The following PC variants were observed in gnomAD, a reference collection of about 807,000 sequenced individuals.
The protein encoded by PC is pyruvate carboxylase, mitochondrial.
PC carries 46 observed loss-of-function variants against 107.8 expected under a neutral mutation model. The observed-to-expected ratio is 0.43, with a 90% CI of 0.34 to 0.55. PC has a LOEUF of 0.55. Among genes scored for constraint, PC ranks in the 20% least tolerant of loss-of-function variants. PC has a pLI of 0.04. For synonymous variants in PC, 662 were observed against 684.7 expected (o/e 0.97, Z 0.52); for missense variants, 1,241 against 1,643.1 (o/e 0.76, Z 4.23).
rs776196411 is a variant in PC, at chr11:66,849,100, G to A, written c.3336C>T (p.Ile1112=). 134 of 1,614,014 alleles carry A rather than the reference G, an allele frequency of 8.3e-5. No individual in the cohort carries two copies. Among genetic ancestry groups the A allele is most frequent in the Non-Finnish European group, 1.1e-4 (126 of 1,180,044 alleles). ...TCACCTTCCCAGGCATGGGCGCCCC[G>A]ATCTGGCCCTTCACGTCCTTTAGGG... ...PKALKDVKGQ[I]GAPMPGKVID... Residue 1112 remains isoleucine, a synonymous_variant, in exon 23 of 23, where the codon ATC becomes ATT. Coordinates refer to ENST00000393960, the MANE Select transcript of PC (RefSeq NM_001040716.2).
chr11:66,918,782 G>A (rs916541102), intron 3 of PC, among the ~76,000 whole-genome samples: 6 of 152,062 alleles, frequency 3.9e-5, no homozygotes, highest in Non-Finnish European at 5.9e-5. Flanking sequence ...CCTAAGCCAC[G>A]CCAAACACGT....
intron 3 of PC, among the ~76,000 whole-genome samples, chr11:66,925,005 C>G (rs1358454880): frequency 6.6e-6 from 1 of 152,074 alleles, no homozygotes; most frequent in Non-Finnish European, 1.5e-5. Flanking sequence ...AGCCATAAAA[C>G]CAGCAAGTTT....
chr11:66,880,892 G>A (rs1056985873), intron 3 of PC, among the ~76,000 whole-genome samples: 2 of 152,218 alleles, frequency 1.3e-5, no homozygotes, highest in African/African-American at 4.8e-5. Context: ...AAGCTTCCCT[G>A]GAAATGCAGA....
intron 3 of PC, among the ~76,000 whole-genome samples, chr11:66,914,162 A>G (rs1565283711): frequency 1.3e-5 from 2 of 152,208 alleles, no homozygotes; most frequent in South Asian, 4.1e-4. Context: ...GATTTTTACA[A>G]TGTATTCCTG....
intron 13 of PC, 195 bp from the exon 14 acceptor site, chr11:66,853,031 G>A: frequency 2.9e-6 from 2 of 696,952 alleles, no homozygotes; most frequent in South Asian, 1.9e-5. Flanking sequence ...CACGTGGATG[G>A]AAAGGTGGGG....
At chr11:66,908,539 C>T (rs1438372241) in intron 3 of PC, among the ~76,000 whole-genome samples, 4 of 152,188 alleles carry the variant, frequency 2.6e-5, no homozygotes, top group African/African-American at 9.7e-5. Flanking sequence ...AACAGAGTTC[C>T]CACCTACTGG....
In PC at chr11:66,871,044, T is replaced by C. The variant is rs895103019; in HGVS notation, c.633+8A>G. On this transcript the variant is annotated splice_region_variant and intron_variant, in intron 7 of 22. Transcript: ENST00000393960. This position sits in a 1 kb window ranked among gnomAD's most constrained non-coding sequence, Gnocchi z 7.4. ...GCCCTGCTCCCAGCCCTGGGCATCTTCACTCACCTCGTAGCTGTGCACCAC... is the reference window on the plus strand; with the variant it reads ...GCCCTGCTCCCAGCCCTGGGCATCTCCACTCACCTCGTAGCTGTGCACCAC... The C allele has an allele frequency of 6.2e-7, 1 of 1,613,900 alleles. No homozygotes were observed. Among genetic ancestry groups the C allele is most frequent in the African/African-American group, 1.3e-5 (1 of 75,024 alleles).
intron 3 of PC, among the ~76,000 whole-genome samples, chr11:66,928,971 A>G (rs1380285115): frequency 6.6e-6 from 1 of 152,176 alleles, no homozygotes; most frequent in Non-Finnish European, 1.5e-5. Flanking sequence ...CATTTTTTAA[A>G]AGGGCCTGTG....
rs565871826 is a variant in PC at position 66,925,637 on chromosome 11, C to T, written c.-1+26793G>A. Reference sequence around the variant, plus strand: ...GCAGTTAACACAATCATCACAGGGTCCTGAGGCGACATACATCCTCCTCAG... The same window carrying T: ...GCAGTTAACACAATCATCACAGGGTTCTGAGGCGACATACATCCTCCTCAG... On this transcript the variant is annotated intron_variant, in intron 3 of 22. Coordinates refer to ENST00000393960, the MANE Select transcript of PC (RefSeq NM_001040716.2). 2.0e-3 allele frequency among the ~76,000 whole-genome samples: 301 copies of T among 152,120 alleles called. 10 individuals carry two copies. In the South Asian group the frequency reaches 0.058, roughly 30 times the overall value.
intron 3 of PC, among the ~76,000 whole-genome samples, chr11:66,873,129 CAA>C (rs1423457747): frequency 6.7e-6 from 1 of 149,462 alleles, no homozygotes; most frequent in Non-Finnish European, 1.5e-5. Flanking sequence ...TGTGTGAGCT[CAA>C]GAGTTTGAAA....
intron 3 of PC, among the ~76,000 whole-genome samples, chr11:66,916,145 C>T (rs1301144827): frequency 6.6e-6 from 1 of 152,232 alleles, no homozygotes; most frequent in African/African-American, 2.4e-5. Flanking sequence ...TCTCACTCAC[C>T]ACACTTGGCC....
At chr11:66,917,255 A>G (rs1280266431) in intron 3 of PC, among the ~76,000 whole-genome samples, 2 of 152,016 alleles carry the variant, frequency 1.3e-5, no homozygotes, top group Admixed American at 6.5e-5. Context: ...TATTTTTAGT[A>G]GAGACGGGGT....
intron 3 of PC, among the ~76,000 whole-genome samples, chr11:66,939,200 AAAT>A (rs1322077582): frequency 6.6e-6 from 1 of 152,242 alleles, no homozygotes; most frequent in Non-Finnish European, 1.5e-5. Flanking sequence ...CAACAATAAA[AAAT>A]AATACAAATA....
intron 3 of PC, among the ~76,000 whole-genome samples, chr11:66,902,687 TC>T (rs1948003956): frequency 6.6e-6 from 1 of 152,130 alleles, no homozygotes; most frequent in South Asian, 2.1e-4. Context: ...CCCTGGCCAC[TC>T]CCGGGCCTGT....
At chr11:66,940,344 G>A (rs576034706) in intron 3 of PC, among the ~76,000 whole-genome samples, 7 of 151,856 alleles carry the variant, frequency 4.6e-5, no homozygotes, top group South Asian at 2.1e-4. Flanking sequence ...GACCACACCC[G>A]GCCCCTCTGC....
At chr11:66,927,542 T>C (rs1948747582) in intron 3 of PC, among the ~76,000 whole-genome samples, 1 of 151,552 alleles carries the variant, frequency 6.6e-6, no homozygotes, top group Non-Finnish European at 1.5e-5. Context: ...GCCAACACAG[T>C]GAAACCCCAT....
chr11:66,865,370 G>A (rs1409171395), intron 11 of PC, among the ~76,000 whole-genome samples: 1 of 152,252 alleles, frequency 6.6e-6, no homozygotes, highest in Non-Finnish European at 1.5e-5. Flanking sequence ...GCCTCCTTTG[G>A]GGCTCAGGCC....
chr11:66,875,596 G>A (rs1320346618), intron 3 of PC, among the ~76,000 whole-genome samples: 1 of 152,116 alleles, frequency 6.6e-6, no homozygotes, highest in Non-Finnish European at 1.5e-5. Context: ...CTGGAGGAGG[G>A]AGGGACGCAC....
At chr11:66,895,367 C>G (rs919403325) in intron 3 of PC, among the ~76,000 whole-genome samples, 5 of 152,170 alleles carry the variant, frequency 3.3e-5, no homozygotes, top group African/African-American at 4.8e-5. Context: ...TTTAGACCCT[C>G]CTAATAATTA....
Sources: gnomAD v4.1 joint callset for allele counts (sites outside exome capture counted in the v4.1 genomes callset) on GRCh38, gnomAD v4.1.1 for gene constraint, Gnocchi (gnomAD v3.1) non-coding constraint, MANE v1.5 for transcripts, NCBI Gene and HGNC (gene_info 2026-07-23, HGNC 2026-07-21) for gene names.